Variants in DPYD observed in about 807,000 individuals in gnomAD.
DPYD encodes the protein dihydropyrimidine dehydrogenase [NADP(+)].
In DPYD, 109 loss-of-function variants were observed where a neutral mutation model predicts 116.2. The observed-to-expected ratio is 0.94, with a 90% confidence interval of 0.80 to 1.10. The LOEUF is 1.10. Among genes scored for constraint, DPYD ranks in the 50% least tolerant of loss-of-function variants. DPYD has a pLI of 0.00. For synonymous variants in DPYD, 440 were observed against 432.0 expected (o/e 1.02, Z -0.23); for missense variants, 1,302 against 1,254.5 (o/e 1.04, Z -0.57).
chr1:97,416,234 T>C (rs916409421), intron 14 of DPYD, among the ~76,000 whole-genome samples: 1 of 152,220 alleles, frequency 6.6e-6, no homozygotes, highest in Non-Finnish European at 1.5e-5. Context: ...GACTTCAAAC[T>C]GTGTCATTCC....
intron 15 of DPYD, among the ~76,000 whole-genome samples, chr1:97,377,764 AG>A (rs1457002512): frequency 1.2e-4 from 19 of 152,254 alleles, no homozygotes; most frequent in African/African-American, 4.6e-4. Context: ...CTGGTCAGGC[AG>A]GGCAAGACAG....
chr1:97,680,663 T>G (rs890646218), intron 7 of DPYD, among the ~76,000 whole-genome samples: 1 of 152,130 alleles, frequency 6.6e-6, no homozygotes, highest in Admixed American at 6.5e-5. Context: ...TGAAGCGATC[T>G]GGACATCCCA....
intron 12 of DPYD, among the ~76,000 whole-genome samples, chr1:97,530,411 T>G (rs899582274): frequency 2.6e-5 from 4 of 151,288 alleles, no homozygotes; most frequent in Admixed American, 6.6e-5. Flanking sequence ...TAGAGACGGG[T>G]TTTCACCATG....
intron 12 of DPYD, among the ~76,000 whole-genome samples, chr1:97,544,800 T>G (rs1650704695): frequency 6.6e-6 from 1 of 152,166 alleles, no homozygotes; most frequent in Non-Finnish European, 1.5e-5. Context: ...TTTAAATATT[T>G]AGGATAAGAA....
intron 13 of DPYD, among the ~76,000 whole-genome samples, chr1:97,480,343 A>G (rs1678229194): frequency 6.6e-6 from 1 of 152,214 alleles, no homozygotes; most frequent in African/African-American, 2.4e-5. Flanking sequence ...TCTCCAGATG[A>G]CCGATGGAAA....
intron 2 of DPYD, among the ~76,000 whole-genome samples, chr1:97,844,683 A>G (rs61787782): frequency 0.23 from 34,577 of 152,138 alleles, 4,102 homozygotes; most frequent in South Asian, 0.24. Flanking sequence ...AGCAGGAGCC[A>G]GGTACAGGTG....
At chr1:97,730,837 T>C (rs1470972818) in intron 4 of DPYD, among the ~76,000 whole-genome samples, 5 of 151,608 alleles carry the variant, frequency 3.3e-5, no homozygotes, top group Non-Finnish European at 4.4e-5. Flanking sequence ...GAAACACTAA[T>C]ACAAATACAA....
intron 2 of DPYD, among the ~76,000 whole-genome samples, chr1:97,864,669 G>A (rs996492486): frequency 6.6e-6 from 1 of 151,882 alleles, no homozygotes; most frequent in Non-Finnish European, 1.5e-5. Context: ...TCGAGAAGCT[G>A]TTCTAAGAAG....
At chr1:97,705,801 T>C (rs1186140031) in intron 5 of DPYD, among the ~76,000 whole-genome samples, 2 of 152,056 alleles carry the variant, frequency 1.3e-5, no homozygotes, top group East Asian at 3.9e-4. Context: ...ACCTGTTGTT[T>C]CCTGACTTTT....
intron 10 of DPYD, among the ~76,000 whole-genome samples, chr1:97,580,634 A>C (rs554638189): frequency 3.3e-5 from 5 of 152,274 alleles, no homozygotes; most frequent in African/African-American, 1.2e-4. Flanking sequence ...TCCTAAGCCC[A>C]CTTGTGTGCT....
chr1:97,143,203 A>G (rs751897362), intron 20 of DPYD, among the ~76,000 whole-genome samples: 7 of 152,056 alleles, frequency 4.6e-5, no homozygotes, highest in Non-Finnish European at 8.8e-5. Flanking sequence ...GATTATTTTG[A>G]AAATAAGTCA....
intron 16 of DPYD, among the ~76,000 whole-genome samples, chr1:97,318,056 G>T (rs1231334320): frequency 6.8e-6 from 1 of 147,118 alleles, no homozygotes; most frequent in African/African-American, 2.5e-5. Flanking sequence ...CACCAGGCCT[G>T]CCCTAAAAGA....
intron 3 of DPYD, among the ~76,000 whole-genome samples, chr1:97,813,385 G>A (rs990792964): frequency 6.6e-6 from 1 of 151,876 alleles, no homozygotes; most frequent in East Asian, 1.9e-4. Flanking sequence ...ATGAAGAAAT[G>A]AAATATGAAG....
intron 8 of DPYD, among the ~76,000 whole-genome samples, chr1:97,648,976 T>C (rs1196975509): frequency 6.6e-6 from 1 of 152,012 alleles, no homozygotes; most frequent in African/African-American, 2.4e-5. Flanking sequence ...TTGTAGTAAG[T>C]ACACCCAGAT....
chr1:97,292,163 A>C (rs910294333), intron 18 of DPYD, among the ~76,000 whole-genome samples: 5 of 152,144 alleles, frequency 3.3e-5, no homozygotes, highest in African/African-American at 1.2e-4. Flanking sequence ...GTGTATTTGA[A>C]AAGCTCCTCA....
chr1:97,701,711 G>A (rs539047649), intron 5 of DPYD, among the ~76,000 whole-genome samples: 29 of 151,846 alleles, frequency 1.9e-4, no homozygotes, highest in Non-Finnish European at 4.3e-4. Context: ...AAAAATTGAA[G>A]AGGGTATTAT....
At chr1:97,767,547 G>A (rs953061759) in intron 3 of DPYD, among the ~76,000 whole-genome samples, 1 of 152,114 alleles carries the variant, frequency 6.6e-6, no homozygotes, top group East Asian at 1.9e-4. Flanking sequence ...TAATTTGTCT[G>A]ACGGAGGATG....
chr1:97,146,788 A>G (rs1479383109), intron 20 of DPYD, among the ~76,000 whole-genome samples: 2 of 152,188 alleles, frequency 1.3e-5, no homozygotes, highest in Non-Finnish European at 2.9e-5. Flanking sequence ...ACTCAAATAA[A>G]TGTGGATTTG....
At chr1:97,325,720 G>C (rs1668674341) in intron 16 of DPYD, among the ~76,000 whole-genome samples, 1 of 151,958 alleles carries the variant, frequency 6.6e-6, no homozygotes, top group South Asian at 2.1e-4. Flanking sequence ...GGTGATTGTA[G>C]TTTGGAATCT....
Sources: allele counts gnomAD v4.1 joint callset (sites outside exome capture counted in the v4.1 genomes callset), GRCh38; gene constraint gnomAD v4.1.1; transcripts MANE v1.5; gene names NCBI Gene and HGNC (gene_info 2026-07-23, HGNC 2026-07-21).